Variants in PRKAR2A observed in about 807,000 individuals in gnomAD.
PRKAR2A encodes the protein protein kinase cAMP-dependent type II regulatory subunit alpha.
In PRKAR2A, 29 loss-of-function variants were observed where a neutral mutation model predicts 51.9. That is an observed-to-expected ratio of 0.56 (90% CI 0.42 to 0.76). The LOEUF (loss-of-function observed/expected upper bound fraction) is 0.76. PRKAR2A is among the 30% of genes least tolerant of loss of function. PRKAR2A has a pLI of 0.00. For synonymous variants in PRKAR2A, 178 were observed against 186.2 expected (o/e 0.96, Z 0.36); for missense variants, 445 against 512.1 (o/e 0.87, Z 1.26).
rs2107193552 is a variant in PRKAR2A, at chr3:48,753,520, T to C, written c.940-1203A>G. Among the ~76,000 whole-genome samples the C allele has an allele frequency of 2.0e-5, 3 of 152,306 alleles. No homozygotes were observed. The Middle Eastern group carries it at 0.01, about 518-fold the overall frequency. Reference sequence around the variant, plus strand: ...CACTTCTGCCCTGTTGCTCTGAAGTTGGTCTGTTTCATCTGAGCCAACTTT... The same window carrying C: ...CACTTCTGCCCTGTTGCTCTGAAGTCGGTCTGTTTCATCTGAGCCAACTTT... On this transcript the variant is annotated intron_variant, in intron 9 of 10. Transcript: ENST00000265563.
At position 48,792,721 on chromosome 3, in the gene PRKAR2A, A is replaced by G. The variant is rs551967408; in HGVS notation, c.351+1276T>C. On this transcript the variant is annotated intron_variant, in intron 3 of 10. Coordinates refer to ENST00000265563, the MANE Select transcript of PRKAR2A (RefSeq NM_004157.4). ...GGTGATCCACCCGCCTCGGCCTCCC[A>G]AAGTGCTGGGATTACAGGCGTGAGT... is the stretch of plus-strand genomic sequence containing the variant. 9.2e-5 allele frequency among the ~76,000 whole-genome samples: 14 copies of G among 152,216 alleles called. No individual in the cohort carries two copies. In the South Asian group the frequency reaches 2.9e-3, roughly 32 times the overall value.
chr3:48,771,361 A>G lies in PRKAR2A; in HGVS notation c.696+1594T>C, dbSNP rs559997723. Among the ~76,000 whole-genome samples the G allele has an allele frequency of 2.0e-5, 3 of 152,146 alleles. No individual in the cohort carries two copies. The East Asian group carries it at 5.8e-4, about 29-fold the overall frequency. On this transcript the variant is annotated intron_variant, in intron 6 of 10. Transcript: ENST00000265563. ...TGTCTCAACAACAACAACAACAAAA[A>G]GACAGGTGTGGTGGTGCACACCTGT...
intron 1 of PRKAR2A, among the ~76,000 whole-genome samples, chr3:48,836,066 G>T (rs2083278276): frequency 6.6e-6 from 1 of 151,996 alleles, no homozygotes; most frequent in African/African-American, 2.4e-5. Flanking sequence ...ACAATTAAGT[G>T]AGAAAAGAAT....
chr3:48,806,902 C>T (rs1575908753), intron 2 of PRKAR2A, among the ~76,000 whole-genome samples: 2 of 151,940 alleles, frequency 1.3e-5, no homozygotes, highest in African/African-American at 4.8e-5. Context: ...TCCCAAGTAG[C>T]TGGGACTACA....
intron 1 of PRKAR2A, among the ~76,000 whole-genome samples, chr3:48,810,339 C>T (rs2082751929): frequency 6.6e-6 from 1 of 152,026 alleles, no homozygotes; most frequent in African/African-American, 2.4e-5. Context: ...CCCATGGATA[C>T]CAAAATCTGA....
chr3:48,812,578 G>GT, intron 1 of PRKAR2A, among the ~76,000 whole-genome samples: 1 of 151,784 alleles, frequency 6.6e-6, no homozygotes, highest in East Asian at 1.9e-4. Context: ...CGCCTCCCAG[G>GT]TTCACGCCAT....
At position 48,766,057 on chromosome 3, in the gene PRKAR2A, C is replaced by T. The variant is rs186118121; in HGVS notation, c.697-708G>A. 2.2e-3 allele frequency among the ~76,000 whole-genome samples: 330 copies of T among 151,918 alleles called. 3 individuals are homozygous for T. The highest frequency in any genetic ancestry group is 6.5e-3 in the African/African-American group (268 of 41,434). On this transcript the variant is annotated intron_variant, in intron 6 of 10. Coordinates refer to ENST00000265563, the MANE Select transcript of PRKAR2A (RefSeq NM_004157.4). ...GCAACATGGTGAAACACGCTCTCTA[C>T]GAAAAAATACACAAAAAAAGTTAGC...
At chr3:48,839,086 A>G (rs2083334776) in intron 1 of PRKAR2A, among the ~76,000 whole-genome samples, 2 of 151,934 alleles carry the variant, frequency 1.3e-5, no homozygotes, top group Admixed American at 6.6e-5. Flanking sequence ...TCAGGAGTTC[A>G]AGACCAGCCT....
Position 48,750,752 on chromosome 3 carries a change from T to C in PRKAR2A, c.*833A>G, listed in dbSNP as rs2107184877. ...CCTCCAGACCCTGGCTCCTTATAAA[T>C]GTATAGCAATTCATTCATACAAACT... On this transcript the variant is annotated 3_prime_UTR_variant, in exon 11 of 11. Coordinates refer to ENST00000265563, the MANE Select transcript of PRKAR2A (RefSeq NM_004157.4). 6.5e-6 allele frequency: 1 copy of C among 153,212 alleles called. No homozygotes were observed. Among genetic ancestry groups the C allele is most frequent in the East Asian group, 1.9e-4 (1 of 5,192 alleles). The allele number at this position is 153,212 out of a possible 1,614,324, so 9.5% of individuals were successfully genotyped here.
At chr3:48,768,564 G>A (rs2081976637) in intron 6 of PRKAR2A, among the ~76,000 whole-genome samples, 1 of 151,480 alleles carries the variant, frequency 6.6e-6, no homozygotes. Flanking sequence ...TGGGCATGGT[G>A]GTGTACACCT....
Position 48,783,079 on chromosome 3 carries a change from T to C in PRKAR2A, c.449A>G (p.Gln150Arg), listed in dbSNP as rs2082229564. Reference sequence around the variant, plus strand: ...CCTTTCAAACATGGCATCGAGAACTTGAGAAAGCTGTTCCTGCAGGGTATG... The same window carrying C: ...CCTTTCAAACATGGCATCGAGAACTCGAGAAAGCTGTTCCTGCAGGGTATG... ...FKNLDQEQLS[Q>R]VLDAMFERIV... Residue 150 changes from glutamine to arginine, a missense_variant, in exon 5 of 11, where the codon CAA (glutamine) becomes CGA (arginine). Gln to Arg is a conservative substitution (Grantham distance 43, BLOSUM62 1). Coordinates refer to ENST00000265563, the MANE Select transcript of PRKAR2A (RefSeq NM_004157.4). 1.2e-6 allele frequency: 2 copies of C among 1,612,528 alleles called. No homozygotes were observed. Among genetic ancestry groups the C allele is most frequent in the East Asian group, 2.2e-5 (1 of 44,896 alleles).
At chr3:48,819,934 G>A (rs924985585) in intron 1 of PRKAR2A, among the ~76,000 whole-genome samples, 2 of 152,174 alleles carry the variant, frequency 1.3e-5, no homozygotes. Context: ...TCTCACAGAT[G>A]TGAAGTCCTT....
chr3:48,776,411 T>C (rs2082105749), intron 5 of PRKAR2A, among the ~76,000 whole-genome samples: 1 of 152,188 alleles, frequency 6.6e-6, no homozygotes, highest in African/African-American at 2.4e-5. Context: ...GTAAAAACTA[T>C]ATGTAATTTC....
At chr3:48,767,795 G>C (rs750253865) in intron 6 of PRKAR2A, among the ~76,000 whole-genome samples, 2 of 151,654 alleles carry the variant, frequency 1.3e-5, no homozygotes, top group Non-Finnish European at 2.9e-5. Context: ...ATGGCGGCAC[G>C]CGCCTGCAGT....
chr3:48,813,436 C>T (rs1374030541), intron 1 of PRKAR2A, among the ~76,000 whole-genome samples: 1 of 151,906 alleles, frequency 6.6e-6, no homozygotes, highest in African/African-American at 2.4e-5. Context: ...TGGCTCACGC[C>T]TGTAATCCCA....
chr3:48,758,496 T>C (rs1294981656), intron 8 of PRKAR2A, among the ~76,000 whole-genome samples: 3 of 146,904 alleles, frequency 2.0e-5, no homozygotes, highest in African/African-American at 7.6e-5. Flanking sequence ...GGCACGAGAA[T>C]CGCTTGAACC....
chr3:48,794,482 G>T (rs1234673143), intron 2 of PRKAR2A, among the ~76,000 whole-genome samples: 1 of 151,794 alleles, frequency 6.6e-6, no homozygotes, highest in Non-Finnish European at 1.5e-5. Flanking sequence ...GGATCATGAG[G>T]TCAAGAGATC....
intron 9 of PRKAR2A, among the ~76,000 whole-genome samples, chr3:48,753,921 A>G (rs2081709249): frequency 7.6e-6 from 1 of 130,910 alleles, no homozygotes; most frequent in African/African-American, 2.9e-5. Context: ...TTTTTTGAGC[A>G]GAGTCTCACT....
intron 8 of PRKAR2A, among the ~76,000 whole-genome samples, chr3:48,759,376 T>C (rs963942654): frequency 6.6e-6 from 1 of 150,576 alleles, no homozygotes; most frequent in Non-Finnish European, 1.5e-5. Flanking sequence ...TGGAAGAGCA[T>C]CCTGCCCCTT....
Sources: gnomAD v4.1 joint callset for allele counts (sites outside exome capture counted in the v4.1 genomes callset) on GRCh38, gnomAD v4.1.1 for gene constraint, MANE v1.5 for transcripts, NCBI Gene and HGNC (gene_info 2026-07-23, HGNC 2026-07-21) for gene names.